Variants in SCRN3 observed in about 807,000 individuals in gnomAD.
SCRN3 encodes secernin 3, also known as secernin-3.
A neutral mutation model predicts 43.1 loss-of-function variants in SCRN3; 39 were observed. That is an observed-to-expected ratio of 0.91 (90% CI 0.70 to 1.18). The LOEUF (loss-of-function observed/expected upper bound fraction) is 1.18. Among genes scored for constraint, SCRN3 ranks in the 50% most tolerant of loss-of-function variants. The pLI is 0.00. For missense variants in SCRN3, 484 were observed against 498.0 expected, an observed-to-expected ratio of 0.97 and a Z score of 0.27; for synonymous variants, 147 against 163.1, an observed-to-expected ratio of 0.90 and a Z score of 0.75.
At position 174,404,188 on chromosome 2, in the gene SCRN3, G is replaced by A. The variant is rs1685601104; in HGVS notation, c.627G>A (p.Arg209=). The A allele has an allele frequency of 6.2e-7, 1 of 1,613,780 alleles. No individual in the cohort carries two copies. Among genetic ancestry groups the A allele is most frequent in the African/African-American group, 1.3e-5 (1 of 74,920 alleles). ...EHPDMRNYAK[R]KGWWDGKKEF... ...CAGACATGAGAAACTATGCTAAGCGGAAAGGTTGGTGGGATGGTAAAAAGG... is the reference window on the plus strand; with the variant it reads ...CAGACATGAGAAACTATGCTAAGCGAAAAGGTTGGTGGGATGGTAAAAAGG... Residue 209 remains arginine (R), a synonymous_variant, in exon 5 of 8, where the codon CGG becomes CGA. Coordinates refer to ENST00000272732, the MANE Select transcript of SCRN3 (RefSeq NM_024583.5).
At chr2:174,424,299 G>A (rs578016520) in intron 6 of SCRN3, among the ~76,000 whole-genome samples, 176 bp from the exon 7 acceptor site, 8 of 152,172 alleles carry the variant, frequency 5.3e-5, no homozygotes, top group Non-Finnish European at 1.2e-4. Context: ...TGCCCCAAAG[G>A]AGATCCCAGT....
chr2:174,426,339 A>T (rs1276136718), intron 7 of SCRN3, among the ~76,000 whole-genome samples: 1 of 152,192 alleles, frequency 6.6e-6, no homozygotes, highest in African/African-American at 2.4e-5. Context: ...TACCATTTAT[A>T]GACAAAATCC....
At chr2:174,415,254 A>AT (rs35101924) in intron 5 of SCRN3, among the ~76,000 whole-genome samples, 4 of 151,870 alleles carry the variant, frequency 2.6e-5, no homozygotes, top group Admixed American at 6.6e-5. Context: ...TCAATAGAGG[A>AT]TTTTTTTTCA....
chr2:174,419,012 G>T (rs1396759832), intron 5 of SCRN3, among the ~76,000 whole-genome samples: 1 of 152,104 alleles, frequency 6.6e-6, no homozygotes, highest in Admixed American at 6.5e-5. Flanking sequence ...TAAAATAGTT[G>T]GTAGCCTGCA....
chr2:174,415,220 A>C (rs901805393), intron 5 of SCRN3, among the ~76,000 whole-genome samples: 2 of 152,188 alleles, frequency 1.3e-5, no homozygotes, highest in Non-Finnish European at 2.9e-5. Flanking sequence ...ATAATATTTG[A>C]GTACCCATTT....
Position 174,422,903 on chromosome 2 carries a change from CAAT to C in SCRN3, c.774_776del (p.Met260del). 6.2e-7 allele frequency: 1 copy of C among 1,606,710 alleles called. No individual in the cohort carries two copies. Among genetic ancestry groups the C allele is most frequent in the South Asian group, 1.1e-5 (1 of 90,828 alleles). ...TCTCTAGGAAATATAACTTTTGAAACAATGATGGAAATTCTTCGAGATAAACCA... is the reference window on the plus strand; with the variant it reads ...TCTCTAGGAAATATAACTTTTGAAACGATGGAAATTCTTCGAGATAAACCA... On this transcript the variant is annotated inframe_deletion, in exon 6 of 8. Transcript: ENST00000272732.
At chr2:174,426,486 C>T (rs1036900788) in intron 7 of SCRN3, among the ~76,000 whole-genome samples, 2 of 152,084 alleles carry the variant, frequency 1.3e-5, no homozygotes, top group Admixed American at 6.5e-5. Context: ...AAATTATGCT[C>T]ACAGGCCGGG....
intron 1 of SCRN3, chr2:174,396,918 C>A (rs1206728699): frequency 1.1e-5 from 2 of 184,016 alleles, no homozygotes; most frequent in African/African-American, 4.8e-5. Context: ...AAACACTTTA[C>A]GTGTTGCCTT....
chr2:174,404,368 T>C (rs1392043907), intron 5 of SCRN3, 53 bp downstream of exon 5: 2 of 1,235,872 alleles, frequency 1.6e-6, no homozygotes, highest in East Asian at 2.5e-5. Flanking sequence ...TTTGTGTAGA[T>C]GTAATATGGG....
At position 174,399,925 on chromosome 2, in the gene SCRN3, A is replaced by C; in HGVS notation, c.163A>C (p.Thr55Pro). 1 of 1,423,952 alleles carries C rather than the reference A, an allele frequency of 7.0e-7. No individual in the cohort carries two copies. 88.2% of individuals were successfully genotyped at this position (1,423,952 alleles called of 1,614,324 possible). ...HDNLGERLKC[T>P]YIEIDQVPET... ...TTTTTTTTTTTTTTTTTTACAGTGT[A>C]CATATATAGAAATTGATCAAGTTCC... Residue 55 changes from threonine (T) to proline (P), a missense_variant, in exon 3 of 8, where the codon ACA becomes CCA. Transcript: ENST00000272732.
At chr2:174,399,230 A>G (rs1436215663) in intron 2 of SCRN3, among the ~76,000 whole-genome samples, 1 of 152,164 alleles carries the variant, frequency 6.6e-6, no homozygotes, top group Non-Finnish European at 1.5e-5. Flanking sequence ...ATCCTATGCC[A>G]TATTTTTTTC....
chr2:174,414,736 A>G (rs1247574687), intron 5 of SCRN3, among the ~76,000 whole-genome samples: 1 of 149,892 alleles, frequency 6.7e-6, no homozygotes, highest in Non-Finnish European at 1.5e-5. Flanking sequence ...ATTTATATTC[A>G]TATCCATGAC....
downstream of SCRN3, among the ~76,000 whole-genome samples, chr2:174,429,973 G>A (rs747047933): frequency 6.6e-6 from 1 of 152,216 alleles, no homozygotes; most frequent in Admixed American, 6.5e-5. Context: ...TTCTTTTAGT[G>A]CTAAGTAATA....
intron 6 of SCRN3, among the ~76,000 whole-genome samples, chr2:174,423,637 T>C (rs1686371150): frequency 6.6e-6 from 1 of 152,072 alleles, no homozygotes; most frequent in Non-Finnish European, 1.5e-5. Flanking sequence ...ACCCAGCTAA[T>C]TTTTTGTATT....
At position 174,395,817 on chromosome 2, in the gene SCRN3, G is replaced by A. The variant is rs1025475525; in HGVS notation, c.-10G>A. 1.3e-6 allele frequency: 2 copies of A among 1,528,430 alleles called. No homozygotes were observed. Among genetic ancestry groups the A allele is most frequent in the African/African-American group, 2.7e-5 (2 of 72,874 alleles). The allele number at this position is 1,528,430 out of a possible 1,614,324, so 94.7% of individuals were successfully genotyped here. Reference sequence around the variant, plus strand: ...GTCACTTCGGGTAGCTGGGAGGCCAGGTGAGGGGCGCGCACGGGGGAGGGG... The same window carrying A: ...GTCACTTCGGGTAGCTGGGAGGCCAAGTGAGGGGCGCGCACGGGGGAGGGG... On this transcript the variant is annotated splice_region_variant and 5_prime_UTR_variant, in exon 1 of 8. Coordinates refer to ENST00000272732, the MANE Select transcript of SCRN3 (RefSeq NM_024583.5).
At position 174,398,335 on chromosome 2, in the gene SCRN3, G is replaced by A. The variant is rs10497410; in HGVS notation, c.52G>A (p.Asp18Asn). 307,774 of 1,603,086 alleles carry A rather than the reference G, an allele frequency of 0.19. 33,326 individuals are homozygous for A. The highest frequency in any genetic ancestry group is 0.22 in the Non-Finnish European group (264,041 of 1,175,482). ...TFVALPPATV[D>N]NRIIFGKNSD... ...CGTGGCATTACCTCCAGCAACAGTC[G>A]ATAACAGGATTATTTTTGGAAAAAA... The change falls in exon 2 of 8, where the codon GAT becomes AAT. Residue 18 changes from aspartate (D) to asparagine (N), a missense_variant. Transcript: ENST00000272732.
intron 6 of SCRN3, among the ~76,000 whole-genome samples, chr2:174,423,446 T>C (rs1686363854): frequency 6.6e-6 from 1 of 152,196 alleles, no homozygotes. Context: ...ACTTAAAATA[T>C]CAATAGTTCC....
intron 5 of SCRN3, among the ~76,000 whole-genome samples, chr2:174,422,599 C>T (rs1266369849): frequency 6.6e-6 from 1 of 151,244 alleles, no homozygotes; most frequent in African/African-American, 2.4e-5. Flanking sequence ...TCTGTAAGGG[C>T]AATGGGATTG....
intron 5 of SCRN3, among the ~76,000 whole-genome samples, chr2:174,420,495 A>T (rs1403834252): frequency 6.6e-6 from 1 of 152,238 alleles, no homozygotes; most frequent in East Asian, 1.9e-4. Flanking sequence ...CCAAGAGAAA[A>T]AGTAGATAGT....
Sources: gnomAD v4.1 joint callset for allele counts (sites outside exome capture counted in the v4.1 genomes callset) on GRCh38, gnomAD v4.1.1 for gene constraint, MANE v1.5 for transcripts, NCBI Gene and HGNC (gene_info 2026-07-23, HGNC 2026-07-21) for gene names.